The following INTS1 variants were observed in gnomAD, a reference collection of about 807,000 sequenced individuals.
INTS1 encodes the protein integrator complex subunit 1.
Under a neutral mutation model 241.6 loss-of-function variants are expected in INTS1, and 137 were observed. The ratio of observed to expected loss-of-function variants is 0.57; its 90% CI spans 0.49 to 0.65. The LOEUF (loss-of-function observed/expected upper bound fraction) is 0.65, where lower values mean the gene tolerates loss of function less well. Ranked by LOEUF, INTS1 falls within the 30% of genes least tolerant of loss-of-function variation. INTS1 has a pLI of 0.00. For synonymous variants in INTS1, 1,692 were observed against 1,337.8 expected, an observed-to-expected ratio of 1.26 and a Z score of -5.78; for missense variants, 3,073 against 3,032.2, an observed-to-expected ratio of 1.01 and a Z score of -0.32.
Position 1,472,342 on chromosome 7 carries a change from A to G in INTS1, c.6115T>C (p.Phe2039Leu). 3 of 1,574,722 alleles carry G rather than the reference A, an allele frequency of 1.9e-6. No homozygotes were observed. The highest frequency in any genetic ancestry group is 2.6e-6 in the Non-Finnish European group (3 of 1,161,028). ...GSLPLVSVSL[F>L]TPLTAAEMAP... ...ATCTCGGCCGCGGTCAGAGGGGTGA[A>G]CAGGGAGACGCTGACCAGGGGCAAG... Residue 2039 changes from phenylalanine (F) to leucine (L), a missense_variant, in exon 44 of 48, where the codon TTC becomes CTC. Coordinates refer to ENST00000404767, the MANE Select transcript of INTS1 (RefSeq NM_001080453.3).
chr7:1,496,008 CT>C, intron 12 of INTS1, 147 bp downstream of exon 12: 1 of 641,714 alleles, frequency 1.6e-6, no homozygotes, highest in Non-Finnish European at 2.8e-6. Flanking sequence ...GGGACGGCAG[CT>C]TCCAGGCTCC....
rs1174094497 is a variant in INTS1 at position 1,474,823 on chromosome 7, G to A, written c.5518C>T (p.His1840Tyr). The change falls in exon 40 of 48, where the codon CAC becomes TAC. Residue 1840 changes from histidine (H) to tyrosine (Y), a missense_variant. Transcript: ENST00000404767. ...SSVCKLDGLI[H>Y]RFITLLADTS... Reference sequence around the variant, plus strand: ...TCCGCAAGGAGCGTGATGAAGCGGTGGATGAGTCCGTCCAGCTGCAGGGAG... The same window carrying A: ...TCCGCAAGGAGCGTGATGAAGCGGTAGATGAGTCCGTCCAGCTGCAGGGAG... 6.3e-7 allele frequency: 1 copy of A among 1,589,788 alleles called. No individual in the cohort carries two copies.
rs1781932414 is a variant in INTS1, at chr7:1,480,248, G to T, written c.4074+69C>A. Reference sequence around the variant, plus strand: ...CAAGTAAAGGCCGCTGTGCGTGCGAGGCGGCAGCGAAGGCTGCACGCAGGA... The same window carrying T: ...CAAGTAAAGGCCGCTGTGCGTGCGATGCGGCAGCGAAGGCTGCACGCAGGA... On this transcript the variant is annotated intron_variant, in intron 30 of 47. Transcript: ENST00000404767. 2.6e-6 allele frequency: 4 copies of T among 1,509,998 alleles called. No individual in the cohort carries two copies. In the African/African-American group the frequency reaches 5.5e-5, roughly 21 times the overall value. 93.5% of individuals were successfully genotyped at this position (1,509,998 alleles called of 1,614,324 possible). A position where few individuals can be genotyped will look rare whatever the true frequency, so the allele number is the denominator to read the frequency against.
chr7:1,496,524 G>A (rs370110121), intron 11 of INTS1, among the ~76,000 whole-genome samples: 103 of 152,052 alleles, frequency 6.8e-4, no homozygotes, highest in Non-Finnish European at 1.4e-3. Flanking sequence ...GGTGCAGCAC[G>A]CACACACTTG....
intron 3 of INTS1, 56 bp downstream of exon 3, chr7:1,502,845 C>G (rs1490357665): frequency 4.4e-6 from 7 of 1,593,690 alleles, no homozygotes; most frequent in Admixed American, 1.7e-5. Flanking sequence ...CCCTGAACAC[C>G]TGATGGACGG....
chr7:1,495,023 C>A, intron 13 of INTS1, 130 bp from the exon 14 acceptor site: 1 of 1,035,702 alleles, frequency 9.7e-7, no homozygotes, highest in Non-Finnish European at 1.4e-6. Context: ...TGCCCAAGCT[C>A]AGCACCTCCT....
Position 1,481,814 on chromosome 7 carries a change from C to T in INTS1, c.3704-326G>A, listed in dbSNP as rs866035423. Among the ~76,000 whole-genome samples, 59 of 152,092 alleles carry T rather than the reference C, an allele frequency of 3.9e-4. No homozygotes were observed. The highest frequency in any genetic ancestry group is 6.9e-4 in the Non-Finnish European group (47 of 68,000). On this transcript the variant is annotated intron_variant, in intron 27 of 47. Transcript: ENST00000404767. This position sits in a 1 kb window ranked among gnomAD's most constrained non-coding sequence, Gnocchi z 6.8. ...GTGGGCTCGGTGACCCCACCCGAGA[C>T]CTGGGGCCGCACAAGGGGGCAGCGT...
intron 42 of INTS1, 111 bp downstream of exon 42, chr7:1,473,455 G>A: frequency 1.5e-6 from 2 of 1,340,864 alleles, no homozygotes; most frequent in Non-Finnish European, 2.0e-6. Context: ...GCCCTCCCCG[G>A]CCTCAGGAGC....
chr7:1,473,645 C>T lies in INTS1; in HGVS notation c.5878G>A (p.Val1960Met), dbSNP rs748182711. The T allele has an allele frequency of 6.2e-7, 1 of 1,613,470 alleles. No individual in the cohort carries two copies. The highest frequency in any genetic ancestry group is 1.7e-5 in the Admixed American group (1 of 60,020). ...GTAATGTACTTATGGATGAACTGCA[C>T]AAACTTGTTGATGAAGGCAGCCAGA... ...RHLAAFINKFVQFIHKYITYN... is the reference protein window; with the variant it reads ...RHLAAFINKFMQFIHKYITYN... The change falls in exon 42 of 48, where the codon GTG becomes ATG. Residue 1960 changes from valine to methionine, a missense_variant. By Grantham distance (21) the Val-to-Met change is conservative (BLOSUM62 1). Coordinates refer to ENST00000404767, the MANE Select transcript of INTS1 (RefSeq NM_001080453.3).
In INTS1 at chr7:1,485,331, A is replaced by G; in HGVS notation, c.3115T>C (p.Phe1039Leu). Residue 1039 changes from phenylalanine to leucine, a missense_variant, in exon 23 of 48, where the codon TTC becomes CTC. Transcript: ENST00000404767. ...LLRDLPRLPL[F>L]DSVRSTTALA... is the part of the protein sequence containing the mutation. ...GCTGTGGTGCTCCTGACGCTGTCGA[A>G]CAGAGGCAGGCGAGGCAGGTCCCGC... 1 of 1,612,320 alleles carries G rather than the reference A, an allele frequency of 6.2e-7. No homozygotes were observed. Among genetic ancestry groups the G allele is most frequent in the Non-Finnish European group, 8.5e-7 (1 of 1,179,786 alleles).
At position 1,470,671 on chromosome 7, in the gene INTS1, T is replaced by A. The variant is rs768206051; in HGVS notation, c.6479A>T (p.His2160Leu). 1 of 1,574,442 alleles carries A rather than the reference T, an allele frequency of 6.4e-7. No individual in the cohort carries two copies. Among genetic ancestry groups the A allele is most frequent in the South Asian group, 1.2e-5 (1 of 86,400 alleles). ...LCQEHAAVLL[H>L]RAFLVGMYGQ... ...GTACATGCCCACCAGGAAGGCCCGG[T>A]GGAGCAGCACAGCCGCGTGCTCTGT... Residue 2160 changes from histidine (H) to leucine (L), a missense_variant, in exon 48 of 48, where the codon CAC (histidine) becomes CTC (leucine). Coordinates refer to ENST00000404767, the MANE Select transcript of INTS1 (RefSeq NM_001080453.3).
intron 12 of INTS1, among the ~76,000 whole-genome samples, 163 bp from the exon 13 acceptor site, chr7:1,495,716 G>A (rs1782814549): frequency 6.6e-6 from 1 of 152,140 alleles, no homozygotes; most frequent in Admixed American, 6.5e-5. Context: ...GGGAGGCATG[G>A]AGTGACCCTG....
At position 1,500,412 on chromosome 7, in the gene INTS1, C is replaced by T. The variant is rs769632632; in HGVS notation, c.350-46G>A. The T allele has an allele frequency of 6.1e-6, 9 of 1,482,568 alleles. No homozygotes were observed. In the Admixed American group the frequency reaches 1.1e-4, roughly 17 times the overall value. The allele number at this position is 1,482,568 out of a possible 1,614,324, so 91.8% of individuals were successfully genotyped here. ...GGTCAGAACGGGGCCAGGGCAGGGTCACCCCAAAGCCTCGGGACACCGGGA... is the reference window on the plus strand; with the variant it reads ...GGTCAGAACGGGGCCAGGGCAGGGTTACCCCAAAGCCTCGGGACACCGGGA... On this transcript the variant is annotated intron_variant, in intron 3 of 47. Coordinates refer to ENST00000404767, the MANE Select transcript of INTS1 (RefSeq NM_001080453.3).
intron 16 of INTS1, among the ~76,000 whole-genome samples, chr7:1,490,219 G>C (rs1016202060): frequency 1.3e-5 from 2 of 152,244 alleles, no homozygotes; most frequent in Admixed American, 6.5e-5. Context: ...CAGCATCAGA[G>C]AGCACGCGAG....
intron 22 of INTS1, among the ~76,000 whole-genome samples, chr7:1,485,729 T>A (rs1231908456): frequency 6.6e-6 from 1 of 152,256 alleles, no homozygotes; most frequent in East Asian, 1.9e-4. Context: ...AGGGTCCACC[T>A]TCACGTTTCA....
At chr7:1,488,950 C>G (rs1449962024) in intron 18 of INTS1, among the ~76,000 whole-genome samples, 1 of 152,196 alleles carries the variant, frequency 6.6e-6, no homozygotes, top group Non-Finnish European at 1.5e-5. Context: ...GTGTTAAAGC[C>G]CACCTGGCCC....
At chr7:1,488,064 C>T (rs551922509) in intron 18 of INTS1, 107 bp from the exon 19 acceptor site, 6 of 1,154,048 alleles carry the variant, frequency 5.2e-6, no homozygotes, top group African/African-American at 1.5e-5. Flanking sequence ...CTGCTGCTGC[C>T]TCTGCTGCAC....
In INTS1 at chr7:1,487,271, C is replaced by T. The variant is rs752466019; in HGVS notation, c.2646+49G>A. The T allele has an allele frequency of 1.2e-5, 18 of 1,552,322 alleles. No individual in the cohort carries two copies. In the East Asian group the frequency reaches 1.2e-4, roughly 10 times the overall value. ...GGCCACCAAGGCCTCCGGAAGGTTCCGGGCCTCCCAAGACCACCATCTCTA... is the reference window on the plus strand; with the variant it reads ...GGCCACCAAGGCCTCCGGAAGGTTCTGGGCCTCCCAAGACCACCATCTCTA... On this transcript the variant is annotated intron_variant, in intron 20 of 47. Coordinates refer to ENST00000404767, the MANE Select transcript of INTS1 (RefSeq NM_001080453.3).
chr7:1,476,404 G>C lies in INTS1; in HGVS notation c.5203C>G (p.Leu1735Val). The C allele has an allele frequency of 6.3e-7, 1 of 1,576,336 alleles. No homozygotes were observed. Among genetic ancestry groups the C allele is most frequent in the Non-Finnish European group, 8.6e-7 (1 of 1,166,814 alleles). Reference protein sequence around the residue: ...LRVQGPELISLVELILAEAET... With the variant: ...LRVQGPELISVVELILAEAET... ...GCCTCGGCCAGGATCAGCTCCACCA[G>C]GCTGATGAGCTCCGGGCCCTGGACC... Residue 1735 changes from leucine to valine, a missense_variant, in exon 38 of 48, where the codon CTG becomes GTG. Coordinates refer to ENST00000404767, the MANE Select transcript of INTS1 (RefSeq NM_001080453.3).
Sources: gnomAD v4.1 joint callset for allele counts (sites outside exome capture counted in the v4.1 genomes callset) on GRCh38, gnomAD v4.1.1 for gene constraint, Gnocchi (gnomAD v3.1) non-coding constraint, MANE v1.5 for transcripts, NCBI Gene and HGNC (gene_info 2026-07-23, HGNC 2026-07-21) for gene names.